The following ATXN1 variants were observed in gnomAD, a reference collection of about 807,000 sequenced individuals.
ATXN1 encodes ataxin 1.
Under a neutral mutation model 56.4 loss-of-function variants are expected in ATXN1, and 8 were observed. The observed-to-expected ratio is 0.14, with a 90% CI of 0.08 to 0.26. ATXN1 has a LOEUF of 0.26. Among genes scored for constraint, ATXN1 ranks in the 10% least tolerant of loss-of-function variants. ATXN1 has a pLI of 1.00. For synonymous variants in ATXN1, 514 were observed against 494.6 expected, an observed-to-expected ratio of 1.04 and a Z score of -0.52; for missense variants, 987 against 1,106.5, an observed-to-expected ratio of 0.89 and a Z score of 1.53.
chr6:16,518,744 T>G (rs1761233121), intron 5 of ATXN1, among the ~76,000 whole-genome samples: 1 of 152,080 alleles, frequency 6.6e-6, no homozygotes, highest in South Asian at 2.1e-4. Context: ...ATCCCTCAAA[T>G]CTCTTACTTA....
intron 3 of ATXN1, among the ~76,000 whole-genome samples, chr6:16,608,305 C>T (rs1212288157): frequency 2.0e-5 from 3 of 152,142 alleles, no homozygotes; most frequent in Admixed American, 1.3e-4. Context: ...TGCAGCTGGA[C>T]CAGTGAGAAG....
chr6:16,514,528 G>C (rs1761142320), intron 5 of ATXN1, among the ~76,000 whole-genome samples: 1 of 152,130 alleles, frequency 6.6e-6, no homozygotes, highest in Non-Finnish European at 1.5e-5. Context: ...AGAGGGCCAG[G>C]ATGGAGATGA....
intron 6 of ATXN1, among the ~76,000 whole-genome samples, chr6:16,366,509 G>A (rs1028379261): frequency 1.3e-5 from 2 of 152,090 alleles, no homozygotes; most frequent in Admixed American, 6.5e-5. Context: ...GGCTGGGCAC[G>A]GTGGCTCATG....
chr6:16,482,729 T>C (rs1268222440), intron 6 of ATXN1, among the ~76,000 whole-genome samples: 1 of 152,206 alleles, frequency 6.6e-6, no homozygotes, highest in Non-Finnish European at 1.5e-5. Context: ...TACCTTTGAA[T>C]TGTCATATGG....
At chr6:16,646,948 T>C (rs538490531) in intron 3 of ATXN1, among the ~76,000 whole-genome samples, 7 of 152,340 alleles carry the variant, frequency 4.6e-5, no homozygotes, top group African/African-American at 1.7e-4. Context: ...ACAGCTACCA[T>C]TTTTTGAAAG....
chr6:16,402,759 T>C (rs1361609594), intron 6 of ATXN1, among the ~76,000 whole-genome samples: 2 of 152,210 alleles, frequency 1.3e-5, no homozygotes, highest in African/African-American at 2.4e-5. Context: ...CAACTCCCGC[T>C]GTGCCCAGGG....
intron 3 of ATXN1, among the ~76,000 whole-genome samples, chr6:16,611,425 A>G (rs1414290077): frequency 1.3e-5 from 2 of 152,228 alleles, no homozygotes; most frequent in Non-Finnish European, 2.9e-5. Context: ...CATAAAACCA[A>G]AAGAATAAAA....
At chr6:16,450,277 T>A (rs182197799) in intron 6 of ATXN1, among the ~76,000 whole-genome samples, 2 of 151,524 alleles carry the variant, frequency 1.3e-5, no homozygotes, top group East Asian at 4.0e-4. Context: ...ATATAAGTAA[T>A]ATATGAATGA....
intron 4 of ATXN1, among the ~76,000 whole-genome samples, chr6:16,542,075 G>C (rs11759913): frequency 0.028 from 4,280 of 152,036 alleles, 77 homozygotes; most frequent in Non-Finnish European, 0.045. Context: ...AGAATTACTT[G>C]AAGGCTTGTC....
intron 4 of ATXN1, among the ~76,000 whole-genome samples, chr6:16,536,770 T>G (rs1272116136): frequency 6.6e-6 from 1 of 152,230 alleles, no homozygotes; most frequent in Non-Finnish European, 1.5e-5. Flanking sequence ...AGGCCAATGT[T>G]TATTAATTAG....
chr6:16,567,319 T>C (rs932578414), intron 4 of ATXN1, among the ~76,000 whole-genome samples: 7 of 152,296 alleles, frequency 4.6e-5, no homozygotes, highest in African/African-American at 1.7e-4. Flanking sequence ...GAAATGTTTC[T>C]TGCATGGGCT....
At chr6:16,429,424 C>CT (rs1357579868) in intron 6 of ATXN1, among the ~76,000 whole-genome samples, 4 of 95,398 alleles carry the variant, frequency 4.2e-5, no homozygotes, top group Non-Finnish European at 8.4e-5. Flanking sequence ...ATTTTTTGTT[C>CT]GTTTTTTTTT....
At chr6:16,598,363 G>A (rs1417318668) in intron 3 of ATXN1, among the ~76,000 whole-genome samples, 1 of 152,252 alleles carries the variant, frequency 6.6e-6, no homozygotes, top group East Asian at 1.9e-4. Flanking sequence ...TGAAATTTCA[G>A]TATAATATGC....
At chr6:16,441,458 G>A (rs1231458444) in intron 6 of ATXN1, among the ~76,000 whole-genome samples, 1 of 151,890 alleles carries the variant, frequency 6.6e-6, no homozygotes, top group Non-Finnish European at 1.5e-5. Context: ...TAACAAAATA[G>A]GATTGTGGTC....
At chr6:16,537,662 C>T (rs1761630157) in intron 4 of ATXN1, among the ~76,000 whole-genome samples, 1 of 150,560 alleles carries the variant, frequency 6.6e-6, no homozygotes, top group Non-Finnish European at 1.5e-5. Context: ...GCCGAGACTG[C>T]ACCACTGCAC....
intron 6 of ATXN1, among the ~76,000 whole-genome samples, chr6:16,453,876 C>T (rs1759807655): frequency 6.6e-6 from 1 of 152,100 alleles, no homozygotes. Context: ...CGAGATGGCT[C>T]ACACTTGTAA....
chr6:16,705,079 A>C (rs1363414859), intron 2 of ATXN1, among the ~76,000 whole-genome samples: 1 of 152,220 alleles, frequency 6.6e-6, no homozygotes, highest in Non-Finnish European at 1.5e-5. Context: ...AGTCTCTGTG[A>C]CAGGAATATG....
chr6:16,710,610 C>A (rs1216933712), intron 2 of ATXN1, among the ~76,000 whole-genome samples: 7 of 152,118 alleles, frequency 4.6e-5, no homozygotes. Context: ...ATTTTTGAGA[C>A]AGGGTCCAGC....
chr6:16,364,813 A>AT (rs35476061), intron 6 of ATXN1, among the ~76,000 whole-genome samples: 122,331 of 152,144 alleles, frequency 0.8, 49,559 homozygotes, highest in East Asian at 1. Flanking sequence ...ATTATTCAAC[A>AT]TTTACGTGCC....
Sources: allele counts gnomAD v4.1 joint callset (sites outside exome capture counted in the v4.1 genomes callset), GRCh38; gene constraint gnomAD v4.1.1; transcripts MANE v1.5; gene names NCBI Gene and HGNC (gene_info 2026-07-23, HGNC 2026-07-21).